Variants in GLE1 observed in about 807,000 individuals in gnomAD.
The protein encoded by GLE1 is GLE1 RNA export mediator, also known as mRNA export factor GLE1.
Under a neutral mutation model 97.3 loss-of-function variants are expected in GLE1, and 78 were observed. That is an observed-to-expected ratio of 0.80 (90% CI 0.67 to 0.97). The LOEUF (loss-of-function observed/expected upper bound fraction) is 0.97. Among genes scored for constraint, GLE1 ranks in the 50% least tolerant of loss-of-function variants. The pLI, the probability that GLE1 is intolerant of heterozygous loss-of-function variation, is 0.00. For missense variants in GLE1, 753 were observed against 857.5 expected (o/e 0.88, Z 1.52); for synonymous variants, 302 against 313.4 (o/e 0.96, Z 0.39).
At position 128,533,664 on chromosome 9, in the gene GLE1, C is replaced by A. The variant is rs1847598237; in HGVS notation, c.1455+9C>A. ...TGGCAGAGAAATTTGTGGTGAGAAACCTTGTTGCTAGAGGTATGGGAAGCA... is the reference window on the plus strand; with the variant it reads ...TGGCAGAGAAATTTGTGGTGAGAAAACTTGTTGCTAGAGGTATGGGAAGCA... On this transcript the variant is annotated intron_variant, in intron 10 of 15. Coordinates refer to ENST00000309971, the MANE Select transcript of GLE1 (RefSeq NM_001003722.2). The A allele has an allele frequency of 1.2e-6, 2 of 1,613,988 alleles. No individual in the cohort carries two copies. The highest frequency in any genetic ancestry group is 2.2e-5 in the East Asian group (1 of 44,868).
At chr9:128,522,451 TC>T (rs1225149289) in intron 3 of GLE1, among the ~76,000 whole-genome samples, 1 of 151,658 alleles carries the variant, frequency 6.6e-6, no homozygotes, top group Non-Finnish European at 1.5e-5. Flanking sequence ...GGTCAAGAGA[TC>T]AAGACCATCC....
Position 128,509,084 on chromosome 9 carries a change from C to T in GLE1, c.308C>T (p.Pro103Leu), listed in dbSNP as rs1344862098. The change falls in exon 2 of 16, where the codon CCA (proline) becomes CTA (leucine). Residue 103 changes from proline (P) to leucine (L), a missense_variant. Transcript: ENST00000309971. ...SAFSPASPAT[P>L]NGTKGKDESQ... Reference sequence around the variant, plus strand: ...TTTTCCCCAGCCTCCCCTGCAACACCAAATGGAACCAAGGTAAGGTTGTGA... The same window carrying T: ...TTTTCCCCAGCCTCCCCTGCAACACTAAATGGAACCAAGGTAAGGTTGTGA... The T allele has an allele frequency of 6.3e-7, 1 of 1,597,206 alleles. No individual in the cohort carries two copies. The highest frequency in any genetic ancestry group is 1.7e-5 in the Admixed American group (1 of 59,990).
intron 11 of GLE1, among the ~76,000 whole-genome samples, chr9:128,535,389 G>T (rs1466493697): frequency 1.3e-5 from 2 of 151,852 alleles, no homozygotes; most frequent in Non-Finnish European, 2.9e-5. Context: ...GGGCATGGTG[G>T]CAGGCACCTG....
intron 13 of GLE1, 111 bp from the exon 14 acceptor site, chr9:128,539,505 T>C: frequency 1.2e-6 from 1 of 869,528 alleles, no homozygotes; most frequent in Non-Finnish European, 1.9e-6. Context: ...GGCATTGTGG[T>C]TGAAATTTTT....
chr9:128,532,132 T>C (rs901787592), intron 9 of GLE1, among the ~76,000 whole-genome samples: 1 of 150,886 alleles, frequency 6.6e-6, no homozygotes, highest in Non-Finnish European at 1.5e-5. Context: ...AGGGTATTTC[T>C]CAACTGGAGA....
chr9:128,522,694 G>A lies in GLE1; in HGVS notation c.459G>A (p.Glu153=), dbSNP rs903089056. Reference sequence around the variant, plus strand: ...AGGGCCTGAGGCTATGGCAGGAGGAGCAGGAGAGGAAGGTGCAAGCCCTCT... The same window carrying A: ...AGGGCCTGAGGCTATGGCAGGAGGAACAGGAGAGGAAGGTGCAAGCCCTCT... ...GTEGLRLWQE[E]QERKVQALSE... Residue 153 remains glutamate (E), a synonymous_variant, in exon 4 of 16, where the codon GAG becomes GAA. Coordinates refer to ENST00000309971, the MANE Select transcript of GLE1 (RefSeq NM_001003722.2). 6.2e-7 allele frequency: 1 copy of A among 1,611,610 alleles called. No individual in the cohort carries two copies. The highest frequency in any genetic ancestry group is 8.5e-7 in the Non-Finnish European group (1 of 1,179,354).
intron 2 of GLE1, among the ~76,000 whole-genome samples, chr9:128,511,327 G>A (rs181521503): frequency 1.1e-3 from 159 of 150,052 alleles, no homozygotes; most frequent in African/African-American, 3.8e-3. Flanking sequence ...TGCCAGAAAA[G>A]GTCTAGGTAC....
chr9:128,522,569 T>G, intron 3 of GLE1, 99 bp from the exon 4 acceptor site: 2 of 1,340,374 alleles, frequency 1.5e-6, no homozygotes, highest in Non-Finnish European at 2.0e-6. Context: ...AAGAATCGCT[T>G]GAACCCGGGA....
At chr9:128,519,146 T>C (rs1411602878) in intron 3 of GLE1, among the ~76,000 whole-genome samples, 2 of 152,212 alleles carry the variant, frequency 1.3e-5, no homozygotes, top group African/African-American at 2.4e-5. Context: ...CTGAAGAGGA[T>C]GTATGTCGCC....
intron 3 of GLE1, among the ~76,000 whole-genome samples, chr9:128,520,374 ATATG>A: frequency 6.7e-6 from 1 of 148,412 alleles, no homozygotes; most frequent in South Asian, 2.1e-4. Flanking sequence ...ATATATGTAT[ATATG>A]TATATGTGTA....
intron 2 of GLE1, among the ~76,000 whole-genome samples, chr9:128,512,173 T>G (rs1846844637): frequency 1.3e-5 from 2 of 152,084 alleles, no homozygotes. Flanking sequence ...GAGAATAGCT[T>G]AGAGATGAGG....
At position 128,525,314 on chromosome 9, in the gene GLE1, TGAA is replaced by T. The variant is rs754051252; in HGVS notation, c.1026_1028del (p.Glu343del). On this transcript the variant is annotated inframe_deletion, in exon 7 of 16. Coordinates refer to ENST00000309971, the MANE Select transcript of GLE1 (RefSeq NM_001003722.2). ...CCTGCGAAGACAAGAGGAGGCAGGA[TGAA>T]GAAGAGGCCCAGGTAAAGCTGCAAG... The T allele has an allele frequency of 2.5e-6, 4 of 1,613,696 alleles. No homozygotes were observed. The highest frequency in any genetic ancestry group is 3.4e-6 in the Non-Finnish European group (4 of 1,179,936).
intron 9 of GLE1, 72 bp downstream of exon 9, chr9:128,527,597 C>G (rs1847339929): frequency 1.1e-6 from 1 of 907,244 alleles, no homozygotes; most frequent in African/African-American, 1.6e-5. Flanking sequence ...ATCTATGTAT[C>G]TGTAAGGTTC....
At chr9:128,532,685 A>G in intron 9 of GLE1, 3 of 975,154 alleles carry the variant, frequency 3.1e-6, no homozygotes, top group Admixed American at 6.2e-5. Context: ...TTTGGTCTTC[A>G]TGGCAGGTAC....
rs535295769 is a variant in GLE1, at chr9:128,536,747, G to T, written c.1776+263G>T. The T allele has an allele frequency of 3.0e-4, 118 of 398,434 alleles. 1 individual carries two copies. The highest frequency in any genetic ancestry group is 2.5e-3 in the South Asian group (115 of 46,178). 24.7% of individuals were successfully genotyped at this position (398,434 alleles called of 1,614,324 possible). A position where few individuals can be genotyped will look rare whatever the true frequency, so the allele number is the denominator to read the frequency against. ...TATAAATCAGTCATTAAGGTTAGAA[G>T]ATTTTCTTACAAGAGGAATGAGCAA... On this transcript the variant is annotated intron_variant, in intron 12 of 15. Transcript: ENST00000309971.
chr9:128,509,399 T>C (rs2132407156), intron 2 of GLE1, among the ~76,000 whole-genome samples: 1 of 152,176 alleles, frequency 6.6e-6, no homozygotes, highest in African/African-American at 2.4e-5. Flanking sequence ...TTTTGTGTTA[T>C]CTGCTGGAAG....
In GLE1 at chr9:128,533,505, A is replaced by G. The variant is rs1433299027; in HGVS notation, c.1313-8A>G. The G allele has an allele frequency of 6.2e-7, 1 of 1,604,750 alleles. No individual in the cohort carries two copies. The highest frequency in any genetic ancestry group is 1.1e-5 in the South Asian group (1 of 90,868). On this transcript the variant is annotated splice_region_variant and splice_polypyrimidine_tract_variant and intron_variant, in intron 9 of 15. Transcript: ENST00000309971. ...TTATATCTTTTAATTTCTCTCTATCATGCTCAGGCTCAAAACTGAAGGAGA... is the reference window on the plus strand; with the variant it reads ...TTATATCTTTTAATTTCTCTCTATCGTGCTCAGGCTCAAAACTGAAGGAGA...
Position 128,541,333 on chromosome 9 carries a change from CA to C in GLE1, c.*167del. ...TAGGAGAGGAGATTTTCATGGGTCA[CA>C]AAATTCTTGGAGGTCCCTTAGTAGA... On this transcript the variant is annotated 3_prime_UTR_variant, in exon 16 of 16. Coordinates refer to ENST00000309971, the MANE Select transcript of GLE1 (RefSeq NM_001003722.2). 3 of 631,468 alleles carry C rather than the reference CA, an allele frequency of 4.8e-6. No individual in the cohort carries two copies. Among genetic ancestry groups the C allele is most frequent in the Non-Finnish European group, 8.5e-6 (3 of 351,778 alleles). 39.1% of individuals were successfully genotyped at this position (631,468 alleles called of 1,614,324 possible). A position where few individuals can be genotyped will look rare whatever the true frequency, so the allele number is the denominator to read the frequency against.
intron 6 of GLE1, among the ~76,000 whole-genome samples, chr9:128,524,159 A>G (rs932095241): frequency 7.3e-6 from 1 of 136,410 alleles, no homozygotes; most frequent in African/African-American, 2.8e-5. Context: ...AGCTCATGCA[A>G]CCTCTGCCTC....
Sources: allele counts gnomAD v4.1 joint callset (sites outside exome capture counted in the v4.1 genomes callset), GRCh38; gene constraint gnomAD v4.1.1; transcripts MANE v1.5; gene names NCBI Gene and HGNC (gene_info 2026-07-23, HGNC 2026-07-21).